PBX1: variants seen among roughly 807,000 people sequenced by gnomAD.
PBX1 encodes PBX homeobox 1, also known as pre-B-cell leukemia transcription factor 1.
PBX1 carries 6 observed loss-of-function variants against 53.4 expected under a neutral mutation model. The observed-to-expected ratio is 0.11, with a 90% CI of 0.06 to 0.22. PBX1 has a LOEUF of 0.22. Among genes scored for constraint, PBX1 ranks in the 10% least tolerant of loss-of-function variants. PBX1 has a pLI of 1.00. For missense variants in PBX1, 251 were observed against 551.4 expected (o/e 0.46, Z 5.46); for synonymous variants, 204 against 212.3 (o/e 0.96, Z 0.34).
At chr1:164,592,809 C>A (rs568966438) in intron 2 of PBX1, among the ~76,000 whole-genome samples, 40 of 152,176 alleles carry the variant, frequency 2.6e-4, no homozygotes, top group Non-Finnish European at 5.3e-4. Flanking sequence ...GGCTCCCACG[C>A]GCTGGCCTTG....
chr1:164,790,366 A>G (rs1225856742), intron 2 of PBX1, among the ~76,000 whole-genome samples: 2 of 152,200 alleles, frequency 1.3e-5, no homozygotes, highest in Admixed American at 6.5e-5. Flanking sequence ...ATAAACCTCA[A>G]TGACCTCCTA....
At chr1:164,793,273 G>A (rs1668614366) in intron 3 of PBX1, among the ~76,000 whole-genome samples, 1 of 152,120 alleles carries the variant, frequency 6.6e-6, no homozygotes, top group South Asian at 2.1e-4. Flanking sequence ...AGAGTCAAAC[G>A]TATTCCCTCT....
intron 2 of PBX1, 50 bp from the exon 3 acceptor site, chr1:164,792,444 T>G: frequency 6.2e-7 from 1 of 1,602,314 alleles, no homozygotes; most frequent in Non-Finnish European, 8.5e-7. Flanking sequence ...TGTTTTTTAT[T>G]TTCTTTCTTG....
intron 2 of PBX1, among the ~76,000 whole-genome samples, chr1:164,637,093 C>G (rs917314739): frequency 1.3e-5 from 2 of 152,112 alleles, no homozygotes; most frequent in Non-Finnish European, 2.9e-5. Flanking sequence ...GGGAAAAATT[C>G]TCCAGCTGGG....
intron 2 of PBX1, among the ~76,000 whole-genome samples, chr1:164,755,121 T>G (rs552131170): frequency 3.9e-5 from 6 of 152,318 alleles, no homozygotes; most frequent in African/African-American, 1.4e-4. Context: ...CAACAGAAGA[T>G]TCCAATTCAT....
chr1:164,745,458 T>C (rs1204564302), intron 2 of PBX1, among the ~76,000 whole-genome samples: 2 of 152,224 alleles, frequency 1.3e-5, no homozygotes, highest in African/African-American at 4.8e-5. Flanking sequence ...AGTGCTCTAA[T>C]AGCATGTTGG....
intron 2 of PBX1, chr1:164,674,545 A>G (rs1258457930): frequency 1.3e-5 from 2 of 152,160 alleles, no homozygotes; most frequent in Non-Finnish European, 2.9e-5. Context: ...GAGTCCTGAG[A>G]AAACTATAAA....
intron 1 of PBX1, chr1:164,560,540 T>C (rs1053355348): frequency 6.7e-6 from 1 of 149,420 alleles, no homozygotes; most frequent in African/African-American, 3.1e-5. Context: ...ATTTTTATCT[T>C]TTCTCCTTTC....
chr1:164,724,219 A>G (rs1037084095), intron 2 of PBX1, among the ~76,000 whole-genome samples: 3 of 152,158 alleles, frequency 2.0e-5, no homozygotes, highest in Non-Finnish European at 4.4e-5. Context: ...CTGCAGTTCA[A>G]AAGGTCGTAA....
At chr1:164,651,973 G>C (rs908132514) in intron 2 of PBX1, 2 of 150,138 alleles carry the variant, frequency 1.3e-5, no homozygotes, top group African/African-American at 4.9e-5. Flanking sequence ...GTGTGTGTAA[G>C]GAAAAGTAGA....
chr1:164,776,907 G>GTGTA (rs1189012348), intron 2 of PBX1, among the ~76,000 whole-genome samples: 8 of 103,938 alleles, frequency 7.7e-5, no homozygotes, highest in African/African-American at 1.5e-4. Flanking sequence ...ATTTGTGTGT[G>GTGTA]TGTGTGTGTG....
intron 7 of PBX1, among the ~76,000 whole-genome samples, chr1:164,820,848 A>G (rs760596688): frequency 6.6e-6 from 1 of 152,196 alleles, no homozygotes; most frequent in African/African-American, 2.4e-5. Flanking sequence ...GAGAGGGTAA[A>G]GTAGTATGCT....
intron 2 of PBX1, among the ~76,000 whole-genome samples, chr1:164,707,848 A>G (rs553968727): frequency 1.3e-5 from 2 of 152,336 alleles, no homozygotes; most frequent in African/African-American, 4.8e-5. Context: ...GATCACTGTG[A>G]GGACTAAGAA....
chr1:164,736,350 A>G (rs1665270562), intron 2 of PBX1, among the ~76,000 whole-genome samples: 1 of 152,154 alleles, frequency 6.6e-6, no homozygotes, highest in Non-Finnish European at 1.5e-5. Flanking sequence ...ACCACAAGGC[A>G]TGAGGGTTCC....
intron 2 of PBX1, among the ~76,000 whole-genome samples, chr1:164,681,316 ATTTG>A (rs1301286807): frequency 2.0e-5 from 3 of 152,200 alleles, no homozygotes; most frequent in Non-Finnish European, 2.9e-5. Flanking sequence ...AGAAAATGAA[ATTTG>A]TATGTATGTT....
intron 3 of PBX1, among the ~76,000 whole-genome samples, chr1:164,796,351 A>G (rs938852484): frequency 6.6e-6 from 1 of 152,112 alleles, no homozygotes; most frequent in Non-Finnish European, 1.5e-5. Flanking sequence ...AGATAAAACC[A>G]TGATGTCAGA....
At chr1:164,684,565 T>A (rs1352859960) in intron 2 of PBX1, 1 of 152,232 alleles carries the variant, frequency 6.6e-6, no homozygotes, top group Non-Finnish European at 1.5e-5. Context: ...CTGAAAAGAC[T>A]GTATTTAGAT....
intron 2 of PBX1, among the ~76,000 whole-genome samples, chr1:164,773,801 T>C (rs1667509971): frequency 6.6e-6 from 1 of 152,116 alleles, no homozygotes; most frequent in Non-Finnish European, 1.5e-5. Context: ...TGGGAAGGCA[T>C]TGGAAAGCTG....
Position 164,602,683 on chromosome 1 carries a change from C to G in PBX1, c.265+39372C>G, listed in dbSNP as rs1234755549. ...TATTCCATTCCACTACCTTCCCACC[C>G]CAGCCCTCAAAGTCCCAAACAGATT... is the stretch of plus-strand genomic sequence containing the variant. On this transcript the variant is annotated intron_variant, in intron 2 of 8. Transcript: ENST00000420696. 6.6e-5 allele frequency among the ~76,000 whole-genome samples: 10 copies of G among 151,178 alleles called. No homozygotes were observed. In the East Asian group the frequency reaches 1.9e-3, roughly 29 times the overall value.
Sources: allele counts gnomAD v4.1 joint callset (sites outside exome capture counted in the v4.1 genomes callset), GRCh38; gene constraint gnomAD v4.1.1; transcripts MANE v1.5; gene names NCBI Gene and HGNC (gene_info 2026-07-23, HGNC 2026-07-21).